Variants in FMNL3 observed in about 807,000 individuals in gnomAD.
The protein encoded by FMNL3 is formin like 3.
A neutral mutation model predicts 119.6 loss-of-function variants in FMNL3; 57 were observed. The ratio of observed to expected loss-of-function variants is 0.48; its 90% CI spans 0.39 to 0.59. The LOEUF (loss-of-function observed/expected upper bound fraction) is 0.59. Among genes scored for constraint, FMNL3 ranks in the 20% least tolerant of loss-of-function variants. The pLI, the probability that FMNL3 is intolerant of heterozygous loss-of-function variation, is 0.00. For synonymous variants in FMNL3, 491 were observed against 507.3 expected (o/e 0.97, Z 0.43); for missense variants, 1,053 against 1,323.5 (o/e 0.80, Z 3.17).
intron 1 of FMNL3, among the ~76,000 whole-genome samples, chr12:49,692,536 T>C (rs1488509026): frequency 1.3e-5 from 2 of 152,230 alleles, no homozygotes; most frequent in Non-Finnish European, 2.9e-5. Flanking sequence ...TTTATTTTTC[T>C]AGGCCTTTTT....
In FMNL3 at chr12:49,643,241, G is replaced by A; in HGVS notation, c.*2574C>T. ...TGCCCAGGGCTCTGAGTCAGAAGAA[G>A]AGGAGCTGCCCCCACCATCTCTCCG... On this transcript the variant is annotated 3_prime_UTR_variant, in exon 26 of 26. Coordinates refer to ENST00000335154, the MANE Select transcript of FMNL3 (RefSeq NM_175736.5). 1 of 1,614,124 alleles carries A rather than the reference G, an allele frequency of 6.2e-7. No homozygotes were observed. The highest frequency in any genetic ancestry group is 8.5e-7 in the Non-Finnish European group (1 of 1,180,024).
intron 1 of FMNL3, among the ~76,000 whole-genome samples, chr12:49,700,174 C>A (rs895630116): frequency 6.6e-6 from 1 of 151,520 alleles, no homozygotes; most frequent in Non-Finnish European, 1.5e-5. Context: ...AGGTGGATCA[C>A]GAGGTCAGGA....
At chr12:49,688,039 C>T (rs1466514317) in intron 1 of FMNL3, among the ~76,000 whole-genome samples, 1 of 152,252 alleles carries the variant, frequency 6.6e-6, no homozygotes, top group Non-Finnish European at 1.5e-5. Context: ...TTCACTGAAT[C>T]CACTCAGCTA....
chr12:49,672,633 T>C (rs1158850992), intron 1 of FMNL3, among the ~76,000 whole-genome samples: 3 of 152,160 alleles, frequency 2.0e-5, no homozygotes, highest in African/African-American at 7.2e-5. Flanking sequence ...ACAGCCCCAG[T>C]CAAGCCAAGG....
intron 1 of FMNL3, among the ~76,000 whole-genome samples, chr12:49,695,744 T>C (rs1944733301): frequency 6.6e-6 from 1 of 151,142 alleles, no homozygotes; most frequent in Non-Finnish European, 1.5e-5. Context: ...TTTTCATAAG[T>C]CCCCCAAAAG....
At chr12:49,677,733 G>A (rs1335105609) in intron 1 of FMNL3, among the ~76,000 whole-genome samples, 1 of 152,214 alleles carries the variant, frequency 6.6e-6, no homozygotes, top group African/African-American at 2.4e-5. Context: ...CAAATCAGGG[G>A]TCAGTATAGA....
At position 49,636,881 on chromosome 12, in the gene FMNL3, C is replaced by T. The variant is rs1170449738; in HGVS notation, c.*8934G>A. On this transcript the variant is annotated 3_prime_UTR_variant, in exon 26 of 26. Transcript: ENST00000335154. ...TTGCTGTCCTTTCTAGATCAGAGCT[C>T]AGCTCTGCCCTAGAGCACAACCTCT... 1 of 1,612,368 alleles carries T rather than the reference C, an allele frequency of 6.2e-7. No individual in the cohort carries two copies. Among genetic ancestry groups the T allele is most frequent in the Admixed American group, 1.7e-5 (1 of 60,014 alleles).
chr12:49,646,757 T>C (rs1943206987), intron 25 of FMNL3, 129 bp downstream of exon 25: 2 of 1,595,370 alleles, frequency 1.3e-6, no homozygotes, highest in Non-Finnish European at 1.7e-6. Flanking sequence ...TTCAGCACTG[T>C]GGCCCAGGAG....
chr12:49,706,940 G>C (rs1447738170), intron 1 of FMNL3, 115 bp downstream of exon 1: 11 of 1,261,680 alleles, frequency 8.7e-6, no homozygotes, highest in South Asian at 1.4e-5. Context: ...GCCGGGATCC[G>C]TTCGGGACCC....
At chr12:49,683,736 GCA>G (rs2138961027) in intron 1 of FMNL3, among the ~76,000 whole-genome samples, 1 of 152,120 alleles carries the variant, frequency 6.6e-6, no homozygotes, top group South Asian at 2.1e-4. Flanking sequence ...AACACATAAA[GCA>G]CAGTCTCTTC....
Position 49,648,889 on chromosome 12 carries a change from G to A in FMNL3, c.2515+140C>T, listed in dbSNP as rs1943300696. 4 of 1,327,832 alleles carry A rather than the reference G, an allele frequency of 3.0e-6. No homozygotes were observed. The South Asian group carries it at 4.9e-5, about 16-fold the overall frequency. 82.3% of individuals were successfully genotyped at this position (1,327,832 alleles called of 1,614,324 possible). ...GGAGTGGCCCCTGCTTAAGGCTCCA[G>A]CGGAAAGCTTTGAAGTGGTCAGAAA... On this transcript the variant is annotated intron_variant, in intron 21 of 25. Transcript: ENST00000335154.
At chr12:49,669,417 C>T (rs918956987) in intron 1 of FMNL3, among the ~76,000 whole-genome samples, 4 of 152,200 alleles carry the variant, frequency 2.6e-5, no homozygotes, top group Non-Finnish European at 5.9e-5. Context: ...CTAAGGACTT[C>T]ATCCATGGAC....
intron 1 of FMNL3, among the ~76,000 whole-genome samples, chr12:49,700,570 C>A (rs1007096851): frequency 6.6e-6 from 1 of 150,526 alleles, no homozygotes; most frequent in Non-Finnish European, 1.5e-5. Context: ...CAAAAATTAG[C>A]CAGGCATGGT....
At chr12:49,672,305 C>A (rs1341744486) in intron 1 of FMNL3, among the ~76,000 whole-genome samples, 1 of 152,120 alleles carries the variant, frequency 6.6e-6, no homozygotes, top group Non-Finnish European at 1.5e-5. Flanking sequence ...GGGGACATGG[C>A]AGGAGACTCC....
rs1252573730 is a variant in FMNL3, at chr12:49,652,156, C to G, written c.1380G>C (p.Glu460Asp). Reference sequence around the variant, plus strand: ...ATCGACGCTGAAAGGCCTCCTCCTTCTCTTTAATGAGCCTCCGCAGGGTGT... The same window carrying G: ...ATCGACGCTGAAAGGCCTCCTCCTTGTCTTTAATGAGCCTCCGCAGGGTGT... ...QVHTLRRLIKEKEEAFQRRCH... is the reference protein window; with the variant it reads ...QVHTLRRLIKDKEEAFQRRCH... The change falls in exon 14 of 26, where the codon GAG (glutamate) becomes GAC (aspartate). Residue 460 changes from glutamate (E) to aspartate (D), a missense_variant. Glu to Asp is a conservative substitution (Grantham distance 45). This residue lies in a region of FMNL3 where 445 missense variants were observed against 628.4 expected (regional missense o/e 0.71). Transcript: ENST00000335154. The G allele has an allele frequency of 6.2e-7, 1 of 1,613,444 alleles. No individual in the cohort carries two copies.
At chr12:49,671,082 C>T (rs1944032638) in intron 1 of FMNL3, among the ~76,000 whole-genome samples, 1 of 152,260 alleles carries the variant, frequency 6.6e-6, no homozygotes, top group Admixed American at 6.5e-5. Context: ...CAGCCTGTCA[C>T]TGCTGTGGCA....
At chr12:49,689,126 AT>A (rs113395482) in intron 1 of FMNL3, among the ~76,000 whole-genome samples, 10 of 151,952 alleles carry the variant, frequency 6.6e-5, no homozygotes, top group African/African-American at 2.4e-4. Context: ...TCAAAAAATA[AT>A]TTTTTTTAAA....
rs1252617195 is a variant in FMNL3 at position 49,647,179 on chromosome 12, G to C, written c.2871+97C>G. The C allele has an allele frequency of 1.8e-5, 28 of 1,564,174 alleles. No homozygotes were observed. Among genetic ancestry groups the C allele is most frequent in the African/African-American group, 2.7e-5 (2 of 73,720 alleles). On this transcript the variant is annotated intron_variant, in intron 24 of 25. Coordinates refer to ENST00000335154, the MANE Select transcript of FMNL3 (RefSeq NM_175736.5). This position sits in a 1 kb window ranked among gnomAD's most constrained non-coding sequence, Gnocchi z 4.9. ...AGCCCACTGGCCCTCTGGGTGGTCT[G>C]TCCACTCCAAGTTTTCATCTCCTCT...
At chr12:49,662,105 G>T (rs1343018257) in intron 4 of FMNL3, 56 bp from the exon 5 acceptor site, 4 of 1,537,828 alleles carry the variant, frequency 2.6e-6, no homozygotes, top group African/African-American at 1.4e-5. Flanking sequence ...TCAAGGATGA[G>T]GGGGGTGACA....
Sources: allele counts gnomAD v4.1 joint callset (sites outside exome capture counted in the v4.1 genomes callset), GRCh38; gene constraint gnomAD v4.1.1; regional missense constraint gnomAD v4.1.1; non-coding constraint Gnocchi (gnomAD v3.1); transcripts MANE v1.5; gene names NCBI Gene and HGNC (gene_info 2026-07-23, HGNC 2026-07-21).